Variants in DLC1 observed in about 807,000 individuals in gnomAD.
The protein encoded by DLC1 is DLC1 Rho GTPase activating protein.
A neutral mutation model predicts 140.3 loss-of-function variants in DLC1; 54 were observed. The ratio of observed to expected loss-of-function variants is 0.38; its 90% CI spans 0.31 to 0.48. DLC1 has a LOEUF of 0.48. DLC1 is among the 20% of genes least tolerant of loss of function. The pLI is 0.96. For synonymous variants in DLC1, 986 were observed against 728.1 expected, an observed-to-expected ratio of 1.35 and a Z score of -5.70; for missense variants, 2,536 against 1,907.0, an observed-to-expected ratio of 1.33 and a Z score of -6.14.
intron 5 of DLC1, among the ~76,000 whole-genome samples, chr8:13,144,071 T>C (rs950470387): frequency 6.6e-6 from 1 of 152,128 alleles, no homozygotes; most frequent in East Asian, 1.9e-4. Context: ...TTTCTGGGTA[T>C]CTTTATGAGG....
chr8:13,587,852 C>G (rs182735978), intron 1 of DLC1, among the ~76,000 whole-genome samples: 4 of 142,300 alleles, frequency 2.8e-5, no homozygotes, highest in African/African-American at 1.0e-4. Context: ...TCTCCTGTAT[C>G]ATATCATGCC....
chr8:13,411,508 A>G (rs1460402012), intron 2 of DLC1, among the ~76,000 whole-genome samples: 2 of 152,188 alleles, frequency 1.3e-5, no homozygotes, highest in Non-Finnish European at 2.9e-5. Flanking sequence ...TAGAATGTAC[A>G]ACACCAATAG....
intron 5 of DLC1, among the ~76,000 whole-genome samples, chr8:13,291,582 T>C (rs996499967): frequency 1.3e-5 from 2 of 152,190 alleles, no homozygotes; most frequent in African/African-American, 4.8e-5. Context: ...TTATATGCAT[T>C]ATGTCCATGT....
chr8:13,292,965 G>A (rs1831819196), intron 5 of DLC1, among the ~76,000 whole-genome samples: 1 of 152,234 alleles, frequency 6.6e-6, no homozygotes, highest in African/African-American at 2.4e-5. Context: ...TCTTACACCT[G>A]TAACCCCAGC....
chr8:13,478,927 T>C (rs1800560269), intron 2 of DLC1, among the ~76,000 whole-genome samples: 1 of 152,256 alleles, frequency 6.6e-6, no homozygotes, highest in African/African-American at 2.4e-5. Context: ...GTTGGCCTCC[T>C]GTTATCAAAT....
intron 1 of DLC1, among the ~76,000 whole-genome samples, chr8:13,509,346 A>C (rs1020078588): frequency 1.3e-5 from 2 of 152,238 alleles, no homozygotes. Context: ...CACTGAAATC[A>C]GGAACAAGAT....
intron 1 of DLC1, among the ~76,000 whole-genome samples, chr8:13,581,148 G>C (rs963751777): frequency 6.6e-6 from 1 of 152,202 alleles, no homozygotes; most frequent in Admixed American, 6.5e-5. Context: ...ATGCCTGGGA[G>C]ATCTCATTCA....
At chr8:13,269,701 C>CAAA (rs57030004) in intron 5 of DLC1, among the ~76,000 whole-genome samples, 1,595 of 99,028 alleles carry the variant, frequency 0.016, 40 homozygotes, top group Middle Eastern at 0.03. Flanking sequence ...AAAACTCTGT[C>CAAA]AAAAAAAAAA....
chr8:13,389,942 A>G (rs1563306991), intron 4 of DLC1, among the ~76,000 whole-genome samples: 2 of 152,190 alleles, frequency 1.3e-5, no homozygotes, highest in East Asian at 1.9e-4. Context: ...ATTTCTACTT[A>G]AAATTAAAAC....
intron 5 of DLC1, among the ~76,000 whole-genome samples, chr8:13,270,068 A>G (rs1444462873): frequency 2.0e-5 from 3 of 152,044 alleles, no homozygotes; most frequent in Non-Finnish European, 4.4e-5. Context: ...AAAAAAAAAA[A>G]AAAAGAAATT....
chr8:13,362,792 C>T (rs944368858), intron 4 of DLC1, among the ~76,000 whole-genome samples: 4 of 152,172 alleles, frequency 2.6e-5, no homozygotes, highest in Non-Finnish European at 5.9e-5. Flanking sequence ...TCTTTCCTGT[C>T]TCAGGGCCTT....
Position 13,090,448 on chromosome 8 carries a change from C to G in DLC1, c.3878G>C (p.Cys1293Ser). 1 of 1,614,112 alleles carries G rather than the reference C, an allele frequency of 6.2e-7. No homozygotes were observed. The change falls in exon 15 of 18, where the codon TGT becomes TCT. Residue 1293 changes from cysteine to serine, a missense_variant. Cys to Ser is a moderately radical substitution (Grantham distance 112, BLOSUM62 -1). Coordinates refer to ENST00000276297, the MANE Select transcript of DLC1 (RefSeq NM_182643.3). ...LFQVPEEMSR[C>S]RNSYTEQELK... ...CTCTTGTTCGGTATAGGAATTACGA[C>G]ATCGGCTCATTTCCTCGGGAACCTG... is the stretch of plus-strand genomic sequence containing the variant.
intron 2 of DLC1, among the ~76,000 whole-genome samples, chr8:13,406,012 T>C (rs1237229076): frequency 2.1e-5 from 3 of 145,336 alleles, no homozygotes; most frequent in African/African-American, 5.1e-5. Context: ...TCTTCTTCTT[T>C]TTTTTTTTTT....
chr8:13,178,920 C>T (rs747050276), intron 5 of DLC1, among the ~76,000 whole-genome samples: 5 of 152,004 alleles, frequency 3.3e-5, no homozygotes, highest in Admixed American at 6.6e-5. Context: ...ACACCGAATA[C>T]CAATTTACCA....
chr8:13,389,264 T>C (rs1002008755), intron 4 of DLC1, among the ~76,000 whole-genome samples: 1 of 152,140 alleles, frequency 6.6e-6, no homozygotes, highest in Non-Finnish European at 1.5e-5. Flanking sequence ...CTCAGAGATT[T>C]TAATGTTCAG....
chr8:13,128,846 A>G (rs550311586), intron 5 of DLC1, among the ~76,000 whole-genome samples: 3 of 149,530 alleles, frequency 2.0e-5, no homozygotes, highest in African/African-American at 7.4e-5. Context: ...AAAAAAAAAA[A>G]GAGAAAAAAG....
At chr8:13,556,542 G>T (rs965430222) in intron 1 of DLC1, among the ~76,000 whole-genome samples, 8 of 152,154 alleles carry the variant, frequency 5.3e-5, no homozygotes, top group African/African-American at 1.9e-4. Context: ...CCTTCATGAT[G>T]CCTGCTTCCT....
At chr8:13,380,227 G>A (rs1836191213) in intron 4 of DLC1, among the ~76,000 whole-genome samples, 1 of 152,146 alleles carries the variant, frequency 6.6e-6, no homozygotes, top group Admixed American at 6.5e-5. Flanking sequence ...TAGAGTCTAG[G>A]CAAACTGATA....
intron 4 of DLC1, chr8:13,339,522 T>C (rs1176858630): frequency 6.6e-6 from 1 of 152,244 alleles, no homozygotes; most frequent in Non-Finnish European, 1.5e-5. Flanking sequence ...TTGATACTTG[T>C]GTGCTGTTTT....
Sources: allele counts gnomAD v4.1 joint callset (sites outside exome capture counted in the v4.1 genomes callset), GRCh38; gene constraint gnomAD v4.1.1; transcripts MANE v1.5; gene names NCBI Gene and HGNC (gene_info 2026-07-23, HGNC 2026-07-21).